CSMD1: variants seen among roughly 807,000 people sequenced by gnomAD.
CSMD1 encodes CUB and sushi domain-containing protein 1.
A neutral mutation model predicts 417.5 loss-of-function variants in CSMD1; 213 were observed. The observed-to-expected ratio is 0.51, with a 90% CI of 0.46 to 0.57. The LOEUF is 0.57. Among genes scored for constraint, CSMD1 ranks in the 20% least tolerant of loss-of-function variants. CSMD1 has a pLI of 0.00. For synonymous variants in CSMD1, 2,862 were observed against 1,736.8 expected, an observed-to-expected ratio of 1.65 and a Z score of -16.11; for missense variants, 6,923 against 4,529.7, an observed-to-expected ratio of 1.53 and a Z score of -15.17.
chr8:3,798,200 G>C (rs990715283), intron 5 of CSMD1, among the ~76,000 whole-genome samples: 1 of 151,966 alleles, frequency 6.6e-6, no homozygotes, highest in African/African-American at 2.4e-5. Flanking sequence ...TTCCGCTACA[G>C]AGTTCATTTC....
Position 3,412,155 on chromosome 8 carries a change from C to A in CSMD1, c.1562-2550G>T, listed in dbSNP as rs181403724. Reference sequence around the variant, plus strand: ...ATACATATATACATATATATACACACGTATATATACATATATACATATATA... The same window carrying A: ...ATACATATATACATATATATACACAAGTATATATACATATATACATATATA... On this transcript the variant is annotated intron_variant, in intron 12 of 69. Transcript: ENST00000635120. Among the ~76,000 whole-genome samples the A allele has an allele frequency of 1.9e-4, 24 of 125,148 alleles. 2 individuals carry two copies. Among genetic ancestry groups the A allele is most frequent in the Non-Finnish European group, 3.3e-5 (2 of 61,420 alleles). 82.1% of individuals were successfully genotyped at this position (125,148 alleles called of 152,430 possible). A position where few individuals can be genotyped will look rare whatever the true frequency, so the allele number is the denominator to read the frequency against.
At chr8:4,011,367 G>C (rs368528560) in intron 4 of CSMD1, among the ~76,000 whole-genome samples, 31 of 152,130 alleles carry the variant, frequency 2.0e-4, no homozygotes, top group African/African-American at 7.0e-4. Context: ...CTTTTCTTTT[G>C]ATTCCATGTC....
intron 12 of CSMD1, among the ~76,000 whole-genome samples, chr8:3,435,903 G>C (rs1814528802): frequency 1.3e-5 from 2 of 152,214 alleles, no homozygotes; most frequent in Non-Finnish European, 2.9e-5. Flanking sequence ...CCTTGGATGA[G>C]TCTTCCCCTA....
chr8:4,757,953 T>C (rs1585051681), intron 1 of CSMD1, among the ~76,000 whole-genome samples: 1 of 141,608 alleles, frequency 7.1e-6, no homozygotes, highest in Admixed American at 7.0e-5. Context: ...GAGAGAGACT[T>C]TGTCTCAAAA....
intron 3 of CSMD1, among the ~76,000 whole-genome samples, chr8:4,283,580 T>C (rs919986828): frequency 6.6e-6 from 1 of 152,214 alleles, no homozygotes; most frequent in Non-Finnish European, 1.5e-5. Flanking sequence ...GTCTTCAACA[T>C]GTAATTTAGG....
At chr8:4,825,254 G>C (rs1181849493) in intron 1 of CSMD1, among the ~76,000 whole-genome samples, 1 of 152,032 alleles carries the variant, frequency 6.6e-6, no homozygotes, top group Admixed American at 6.6e-5. Context: ...TTTGAAATAT[G>C]CATACACCCA....
intron 6 of CSMD1, among the ~76,000 whole-genome samples, chr8:3,753,406 C>A (rs532734742): frequency 1.3e-5 from 2 of 152,276 alleles, no homozygotes; most frequent in South Asian, 2.1e-4. Context: ...TTACCAAGCT[C>A]TGTCCTAATG....
At chr8:4,385,620 G>A (rs1803397706) in intron 3 of CSMD1, among the ~76,000 whole-genome samples, 1 of 152,142 alleles carries the variant, frequency 6.6e-6, no homozygotes, top group Middle Eastern at 3.2e-3. Context: ...ATGTATTTAT[G>A]AATCAGTAAC....
intron 2 of CSMD1, among the ~76,000 whole-genome samples, chr8:4,636,492 A>G (rs1218765689): frequency 1.3e-5 from 2 of 152,086 alleles, no homozygotes; most frequent in African/African-American, 4.8e-5. Context: ...TGTTCCTTTC[A>G]CTGAATATAT....
chr8:3,245,361 G>C (rs1585777683), intron 26 of CSMD1, among the ~76,000 whole-genome samples: 1 of 152,272 alleles, frequency 6.6e-6, no homozygotes, highest in African/African-American at 2.4e-5. Context: ...AAAGTGAGAG[G>C]CTGAATTCTC....
At chr8:4,729,322 T>C (rs1809696165) in intron 1 of CSMD1, among the ~76,000 whole-genome samples, 1 of 152,170 alleles carries the variant, frequency 6.6e-6, no homozygotes. Flanking sequence ...CAAAGGTGTT[T>C]TGTTGGTGTG....
rs113014937 is a variant in CSMD1, at chr8:4,307,207, C to A, written c.415+112746G>T. ...ACTGTATCAACCCCCTTCTACGGCT[C>A]ATTATTTTTATAATACAGCTCATTT... On this transcript the variant is annotated intron_variant, in intron 3 of 69. Coordinates refer to ENST00000635120, the MANE Select transcript of CSMD1 (RefSeq NM_033225.6). Among the ~76,000 whole-genome samples, 881 of 152,276 alleles carry A rather than the reference C, an allele frequency of 5.8e-3. 9 individuals carry two copies. Among genetic ancestry groups the A allele is most frequent in the African/African-American group, 0.02 (848 of 41,540 alleles).
At chr8:3,365,936 C>G (rs1348999009) in intron 20 of CSMD1, among the ~76,000 whole-genome samples, 1 of 152,176 alleles carries the variant, frequency 6.6e-6, no homozygotes, top group East Asian at 1.9e-4. Flanking sequence ...GTGGGGCAAG[C>G]AAACTTTCTA....
At chr8:4,012,381 G>T (rs184340540) in intron 4 of CSMD1, among the ~76,000 whole-genome samples, 6 of 152,040 alleles carry the variant, frequency 3.9e-5, no homozygotes, top group African/African-American at 1.5e-4. Context: ...TCATTGCCTT[G>T]TTGATCTCAT....
Position 4,021,972 on chromosome 8 carries a change from G to A in CSMD1, c.610+9933C>T, listed in dbSNP as rs563164489. ...TTTCAACTAGCTTCAGTCAAGTGCT[G>A]CCTAGGAAAGGATAGTTAGGTCTGT... On this transcript the variant is annotated intron_variant, in intron 4 of 69. Transcript: ENST00000635120. 6.6e-5 allele frequency among the ~76,000 whole-genome samples: 10 copies of A among 151,910 alleles called. No homozygotes were observed. In the South Asian group the frequency reaches 1.9e-3, roughly 28 times the overall value.
chr8:3,122,080 T>A (rs945992525), intron 41 of CSMD1, among the ~76,000 whole-genome samples: 1 of 152,060 alleles, frequency 6.6e-6, no homozygotes. Flanking sequence ...TAATATGAAA[T>A]TAGAAACAGT....
intron 3 of CSMD1, among the ~76,000 whole-genome samples, chr8:4,102,521 G>C (rs1249618475): frequency 6.6e-6 from 1 of 152,212 alleles, no homozygotes; most frequent in East Asian, 1.9e-4. Context: ...AGCGACAATG[G>C]GGAGGCTTAT....
At chr8:4,049,536 C>G (rs1026140040) in intron 3 of CSMD1, among the ~76,000 whole-genome samples, 82 of 151,852 alleles carry the variant, frequency 5.4e-4, no homozygotes, top group South Asian at 4.1e-4. Flanking sequence ...GTCTCTAGGG[C>G]CAACCTCTTA....
chr8:3,363,811 T>C (rs574600867), intron 20 of CSMD1, among the ~76,000 whole-genome samples: 2 of 152,302 alleles, frequency 1.3e-5, no homozygotes, highest in African/African-American at 4.8e-5. Context: ...AGTAGACACG[T>C]CGTAGCGAGT....
Sources: gnomAD v4.1 joint callset for allele counts (sites outside exome capture counted in the v4.1 genomes callset) on GRCh38, gnomAD v4.1.1 for gene constraint, MANE v1.5 for transcripts, NCBI Gene and HGNC (gene_info 2026-07-23, HGNC 2026-07-21) for gene names.